CNTN5: variants seen among roughly 807,000 people sequenced by gnomAD.
The protein encoded by CNTN5 is contactin-5.
CNTN5 carries 77 observed loss-of-function variants against 129.1 expected under a neutral mutation model. The ratio of observed to expected loss-of-function variants is 0.60; its 90% confidence interval spans 0.50 to 0.72. The LOEUF is 0.72. Among genes scored for constraint, CNTN5 ranks in the 30% least tolerant of loss-of-function variants. The probability of loss-of-function intolerance (pLI) is 0.00; values close to 1 mark genes in which losing one functional copy is unlikely to be tolerated. For synonymous variants in CNTN5, 509 were observed against 465.6 expected (o/e 1.09, Z -1.20); for missense variants, 1,478 against 1,328.8 (o/e 1.11, Z -1.75).
chr11:99,898,263 A>T (rs1360742611), intron 6 of CNTN5, among the ~76,000 whole-genome samples: 3 of 152,110 alleles, frequency 2.0e-5, no homozygotes, highest in Admixed American at 2.0e-4. Context: ...CAAAGGATCA[A>T]TGAAATAAAA....
intron 1 of CNTN5, among the ~76,000 whole-genome samples, chr11:99,050,189 A>G (rs975445157): frequency 6.6e-6 from 1 of 152,090 alleles, no homozygotes; most frequent in Non-Finnish European, 1.5e-5. Context: ...CAAACAAAAC[A>G]TCTTCCTGAT....
In CNTN5 at chr11:99,916,116, G is replaced by A. The variant is rs953993946; in HGVS notation, c.640G>A (p.Val214Ile). ...AVSVREGQGV[V>I]LMCSPPPHSP... is the part of the protein sequence containing the mutation. ...CTCTGTGAGGGAAGGCCAGGGTGTC[G>A]TTCTGATGTGCTCTCCTCCGCCACA... Residue 214 changes from valine (V) to isoleucine (I), a missense_variant, in exon 7 of 25, where the codon GTT becomes ATT. Coordinates refer to ENST00000524871, the MANE Select transcript of CNTN5 (RefSeq NM_014361.4). 3.7e-6 allele frequency: 6 copies of A among 1,612,166 alleles called. No individual in the cohort carries two copies. Among genetic ancestry groups the A allele is most frequent in the Admixed American group, 1.7e-5 (1 of 59,764 alleles).
intron 2 of CNTN5, among the ~76,000 whole-genome samples, chr11:99,506,473 G>A (rs754321688): frequency 5.9e-5 from 9 of 152,030 alleles, no homozygotes; most frequent in African/African-American, 1.2e-4. Context: ...CCAGGTACCA[G>A]TGCCTCTCAT....
intron 2 of CNTN5, among the ~76,000 whole-genome samples, chr11:99,356,376 C>T (rs995188103): frequency 3.9e-5 from 6 of 152,162 alleles, no homozygotes; most frequent in African/African-American, 1.4e-4. Context: ...GGAGGAAAAG[C>T]ATAATTTCTG....
At chr11:100,310,035 C>T (rs1272494177) in intron 21 of CNTN5, among the ~76,000 whole-genome samples, 1 of 151,864 alleles carries the variant, frequency 6.6e-6, no homozygotes, top group East Asian at 1.9e-4. Context: ...TTTCCTGGAA[C>T]CACATTCTTG....
At chr11:99,239,808 G>A (rs1264304842) in intron 1 of CNTN5, among the ~76,000 whole-genome samples, 1 of 152,030 alleles carries the variant, frequency 6.6e-6, no homozygotes, top group Non-Finnish European at 1.5e-5. Flanking sequence ...GTGGTGGCGG[G>A]CGCCTGTAGT....
intron 1 of CNTN5, among the ~76,000 whole-genome samples, chr11:99,256,317 T>C (rs1862374246): frequency 6.6e-6 from 1 of 152,094 alleles, no homozygotes; most frequent in South Asian, 2.1e-4. Flanking sequence ...CTGGTCTTAC[T>C]GTACAATTTC....
At chr11:99,391,798 A>C (rs145909224) in intron 2 of CNTN5, among the ~76,000 whole-genome samples, 145 of 151,976 alleles carry the variant, frequency 9.5e-4, no homozygotes, top group African/African-American at 3.3e-3. Flanking sequence ...TTTTTGTATA[A>C]ATTTTTGTTT....
At chr11:99,981,077 G>GATATATATATATATATATATAT (rs372749441) in intron 8 of CNTN5, among the ~76,000 whole-genome samples, 64 of 57,424 alleles carry the variant, frequency 1.1e-3, no homozygotes, top group East Asian at 1.8e-3. Flanking sequence ...GAGCCAATAG[G>GATATATATATATATATATATAT]ATATATATAT....
At chr11:99,843,739 T>C (rs549682142) in intron 4 of CNTN5, among the ~76,000 whole-genome samples, 6 of 152,172 alleles carry the variant, frequency 3.9e-5, no homozygotes, top group Admixed American at 2.0e-4. Flanking sequence ...CATTCTACAA[T>C]GCACAGGACA....
At chr11:99,820,991 C>T (rs186100638) in intron 4 of CNTN5, among the ~76,000 whole-genome samples, 36 of 152,288 alleles carry the variant, frequency 2.4e-4, no homozygotes, top group Non-Finnish European at 2.8e-4. Context: ...GTGTTGGCAT[C>T]TAAGTTGTAT....
intron 14 of CNTN5, among the ~76,000 whole-genome samples, chr11:100,191,912 T>A (rs551600228): frequency 7.9e-5 from 12 of 152,150 alleles, no homozygotes; most frequent in African/African-American, 2.9e-4. Context: ...TCCCTTCAGA[T>A]GTTTTTCACA....
At chr11:99,980,522 C>T (rs1194889938) in intron 8 of CNTN5, among the ~76,000 whole-genome samples, 4 of 152,080 alleles carry the variant, frequency 2.6e-5, no homozygotes, top group East Asian at 3.9e-4. Flanking sequence ...AGCATTTGAT[C>T]GCGCACAAAC....
chr11:100,187,513 G>A (rs1004373175), intron 13 of CNTN5, among the ~76,000 whole-genome samples: 4 of 151,824 alleles, frequency 2.6e-5, no homozygotes, highest in Admixed American at 6.6e-5. Context: ...AGTAGAAAGC[G>A]GGAGGCATCA....
Position 100,267,253 on chromosome 11 carries a change from C to CCACACACACACACACACA in CNTN5, c.2165-3828_2165-3811dup, listed in dbSNP as rs113458728. 5.6e-3 allele frequency among the ~76,000 whole-genome samples: 799 copies of CCACACACACACACACACA among 143,814 alleles called. 3 individuals carry two copies. The highest frequency in any genetic ancestry group is 0.014 in the South Asian group (58 of 4,204). The allele number at this position is 143,814 out of a possible 152,430, so 94.3% of individuals were successfully genotyped here. ...CCTTCTTTGTTTTCACATGAATCAA[C>CCACACACACACACACACA]CACACACACACACACACACACACAC... On this transcript the variant is annotated intron_variant, in intron 17 of 24. Coordinates refer to ENST00000524871, the MANE Select transcript of CNTN5 (RefSeq NM_014361.4).
rs1298646380 is a variant in CNTN5, at chr11:100,256,037, A to T, written c.2164+119A>T. 32 of 846,440 alleles carry T rather than the reference A, an allele frequency of 3.8e-5. No homozygotes were observed. The South Asian group carries it at 4.7e-4, about 12-fold the overall frequency. The allele number at this position is 846,440 out of a possible 1,614,324, so 52.4% of individuals were successfully genotyped here. On this transcript the variant is annotated intron_variant, in intron 17 of 24. Transcript: ENST00000524871. ...TTCTGAAATCTCTTTGTTATTTCTT[A>T]CAATATTGACAATTCTTTGCTTCTT...
rs1381808067 is a variant in CNTN5 at position 100,311,937 on chromosome 11, T to C, written c.2730+3469T>C. ...TAACTTATTGCAAGCAAAAATGGAATATATTTGAAAACAGAAAGTTAACAA... is the reference window on the plus strand; with the variant it reads ...TAACTTATTGCAAGCAAAAATGGAACATATTTGAAAACAGAAAGTTAACAA... On this transcript the variant is annotated intron_variant, in intron 21 of 24. Transcript: ENST00000524871. Among the ~76,000 whole-genome samples, 7 of 152,028 alleles carry C rather than the reference T, an allele frequency of 4.6e-5. No homozygotes were observed. The East Asian group carries it at 1.4e-3, about 29-fold the overall frequency.
chr11:100,135,176 G>GTTTTTTT (rs10652749), intron 13 of CNTN5, among the ~76,000 whole-genome samples: 2 of 127,092 alleles, frequency 1.6e-5, no homozygotes, highest in African/African-American at 2.9e-5. Flanking sequence ...ATATAAAAGT[G>GTTTTTTT]TTTTTTTTTT....
intron 8 of CNTN5, among the ~76,000 whole-genome samples, chr11:99,999,944 A>G (rs1486611213): frequency 5.5e-4 from 83 of 150,970 alleles, no homozygotes; most frequent in Non-Finnish European, 9.7e-4. Context: ...ACTCATAGAT[A>G]GGAACTGAAC....
Sources: allele counts gnomAD v4.1 joint callset (sites outside exome capture counted in the v4.1 genomes callset), GRCh38; gene constraint gnomAD v4.1.1; transcripts MANE v1.5; gene names NCBI Gene and HGNC (gene_info 2026-07-23, HGNC 2026-07-21).